Variants in FIG4 observed in about 807,000 individuals in gnomAD.
FIG4 encodes polyphosphoinositide phosphatase.
Under a neutral mutation model 118.6 loss-of-function variants are expected in FIG4, and 112 were observed. The observed-to-expected ratio is 0.94, with a 90% CI of 0.81 to 1.11. FIG4 has a LOEUF of 1.11. Among genes scored for constraint, FIG4 ranks in the 50% least tolerant of loss-of-function variants. The pLI is 0.00. For synonymous variants in FIG4, 369 were observed against 381.2 expected (o/e 0.97, Z 0.37); for missense variants, 969 against 1,111.7 (o/e 0.87, Z 1.83).
intron 19 of FIG4, among the ~76,000 whole-genome samples, chr6:109,790,508 G>GT (rs1778107610): frequency 6.6e-6 from 1 of 152,214 alleles, no homozygotes; most frequent in Non-Finnish European, 1.5e-5. Context: ...CTATATTAGT[G>GT]TGTGTCACAG....
intron 10 of FIG4, among the ~76,000 whole-genome samples, chr6:109,760,003 A>G (rs1777052373): frequency 6.6e-6 from 1 of 152,210 alleles, no homozygotes; most frequent in South Asian, 2.1e-4. Flanking sequence ...CTCAGGGTGC[A>G]GGGAGAGTAC....
rs779200387 is a variant in FIG4 at position 109,743,780 on chromosome 6, G to T, written c.1137+8G>T. The T allele has an allele frequency of 1.1e-5, 17 of 1,591,314 alleles. No individual in the cohort carries two copies. Among genetic ancestry groups the T allele is most frequent in the Non-Finnish European group, 1.5e-5 (17 of 1,159,884 alleles). On this transcript the variant is annotated splice_region_variant and intron_variant, in intron 10 of 22. Transcript: ENST00000230124. ...ATCTTGAATTTAGTGAAGGTATGATGTGCTCATCTGTTTGGTTATGAGATT... is the reference window on the plus strand; with the variant it reads ...ATCTTGAATTTAGTGAAGGTATGATTTGCTCATCTGTTTGGTTATGAGATT...
At chr6:109,746,745 A>G (rs907574797) in intron 10 of FIG4, among the ~76,000 whole-genome samples, 1 of 152,158 alleles carries the variant, frequency 6.6e-6, no homozygotes, top group Non-Finnish European at 1.5e-5. Flanking sequence ...TGAAAAGATT[A>G]CTGTGACCTC....
At chr6:109,720,747 C>T (rs763187821) in intron 3 of FIG4, among the ~76,000 whole-genome samples, 18 of 152,186 alleles carry the variant, frequency 1.2e-4, no homozygotes, top group Admixed American at 1.3e-4. Flanking sequence ...GTTCTGAAAG[C>T]TCATGGACCA....
chr6:109,807,169 C>G (rs993234370), intron 22 of FIG4, among the ~76,000 whole-genome samples: 1 of 152,182 alleles, frequency 6.6e-6, no homozygotes, highest in Non-Finnish European at 1.5e-5. Flanking sequence ...GTTCTAGATT[C>G]TTGAGGAATC....
chr6:109,803,781 A>T (rs1465985998), intron 22 of FIG4, among the ~76,000 whole-genome samples: 1 of 50,210 alleles, frequency 2.0e-5, no homozygotes, highest in Admixed American at 2.7e-4. Context: ...CCCCCACCCC[A>T]CAACAGTCCC....
intron 10 of FIG4, among the ~76,000 whole-genome samples, chr6:109,759,547 C>G (rs921068914): frequency 1.3e-5 from 2 of 152,100 alleles, no homozygotes; most frequent in African/African-American, 4.8e-5. Context: ...GAGAACATTG[C>G]CCAAGGTCAC....
At chr6:109,814,953 T>C (rs1778819927) in intron 22 of FIG4, among the ~76,000 whole-genome samples, 1 of 152,166 alleles carries the variant, frequency 6.6e-6, no homozygotes, top group Admixed American at 6.6e-5. Context: ...AATTTATGTG[T>C]ACATGTACAT....
At chr6:109,749,055 C>CTGTGTGTGTGTG (rs113357544) in intron 10 of FIG4, among the ~76,000 whole-genome samples, 1,971 of 132,418 alleles carry the variant, frequency 0.015, 16 homozygotes, top group East Asian at 0.026. Flanking sequence ...CAAAGGAGCT[C>CTGTGTGTGTGTG]TGTGTGTGTG....
chr6:109,817,570 A>T lies in FIG4; in HGVS notation c.2547-7518A>T, dbSNP rs879480513. On this transcript the variant is annotated intron_variant, in intron 22 of 22. Transcript: ENST00000230124. Reference sequence around the variant, plus strand: ...TTTTACAGCTCTCAGAGAGTGTGTAAAAAAAAAAAAAAAGAGTATAATTCT... The same window carrying T: ...TTTTACAGCTCTCAGAGAGTGTGTATAAAAAAAAAAAAAGAGTATAATTCT... Among the ~76,000 whole-genome samples the T allele has an allele frequency of 8.0e-3, 545 of 67,956 alleles. 6 individuals are homozygous for T. The highest frequency in any genetic ancestry group is 8.6e-3 in the Non-Finnish European group (198 of 23,144). 44.6% of individuals were successfully genotyped at this position (67,956 alleles called of 152,430 possible). A position where few individuals can be genotyped will look rare whatever the true frequency, so the allele number is the denominator to read the frequency against.
intron 1 of FIG4, among the ~76,000 whole-genome samples, chr6:109,714,808 T>G (rs1775377127): frequency 6.6e-6 from 1 of 152,192 alleles, no homozygotes; most frequent in Non-Finnish European, 1.5e-5. Context: ...TCTCTAAATT[T>G]ATGACAATTA....
At chr6:109,705,800 T>G (rs1432162333) in intron 1 of FIG4, among the ~76,000 whole-genome samples, 1 of 152,224 alleles carries the variant, frequency 6.6e-6, no homozygotes, top group South Asian at 2.1e-4. Flanking sequence ...AGTTTACCTA[T>G]GTAGCAAACC....
intron 22 of FIG4, among the ~76,000 whole-genome samples, chr6:109,809,901 T>C (rs1778673280): frequency 6.6e-6 from 1 of 152,178 alleles, no homozygotes. Flanking sequence ...GGGCTTCGTG[T>C]GATCATGAAG....
intron 3 of FIG4, among the ~76,000 whole-genome samples, chr6:109,722,722 G>T (rs1775648276): frequency 7.3e-6 from 1 of 137,192 alleles, no homozygotes; most frequent in Non-Finnish European, 1.6e-5. Flanking sequence ...CCCTGTGAGT[G>T]AGTGAGCTGG....
intron 10 of FIG4, among the ~76,000 whole-genome samples, chr6:109,758,550 A>G (rs1776996180): frequency 6.6e-6 from 1 of 152,252 alleles, no homozygotes; most frequent in African/African-American, 2.4e-5. Flanking sequence ...AGGCATAGGC[A>G]AAGACTTCAT....
At position 109,763,947 on chromosome 6, in the gene FIG4, C is replaced by G; in HGVS notation, c.1399C>G (p.Leu467Val). The G allele has an allele frequency of 6.2e-7, 1 of 1,608,968 alleles. No individual in the cohort carries two copies. Reference protein sequence around the residue: ...ILRPDEKWNELGGCVIPTGRL... With the variant: ...ILRPDEKWNEVGGCVIPTGRL... Reference sequence around the variant, plus strand: ...TATTTTTAAACACAGGTGGAATGAACTAGGAGGATGTGTGATTCCCACTGG... The same window carrying G: ...TATTTTTAAACACAGGTGGAATGAAGTAGGAGGATGTGTGATTCCCACTGG... The change falls in exon 13 of 23, where the codon CTA (leucine) becomes GTA (valine). Residue 467 changes from leucine (L) to valine (V), a missense_variant. Physicochemically the swap from Leu to Val is conservative, Grantham distance 32 (BLOSUM62 1). Coordinates refer to ENST00000230124, the MANE Select transcript of FIG4 (RefSeq NM_014845.6).
At chr6:109,713,848 A>C (rs1321684602) in intron 1 of FIG4, among the ~76,000 whole-genome samples, 1 of 152,104 alleles carries the variant, frequency 6.6e-6, no homozygotes, top group East Asian at 1.9e-4. Context: ...CCCCCAGGAC[A>C]CCTAAGGCTT....
intron 22 of FIG4, among the ~76,000 whole-genome samples, chr6:109,823,137 C>A (rs1376592644): frequency 6.6e-6 from 1 of 152,024 alleles, no homozygotes; most frequent in Non-Finnish European, 1.5e-5. Flanking sequence ...AAATCCTCAA[C>A]CTTTGCCAGA....
intron 10 of FIG4, among the ~76,000 whole-genome samples, chr6:109,746,502 C>T (rs1390984150): frequency 2.0e-5 from 3 of 152,032 alleles, no homozygotes; most frequent in African/African-American, 7.2e-5. Context: ...TACAAAGGCC[C>T]TAGGACAGGA....
Sources: gnomAD v4.1 joint callset for allele counts (sites outside exome capture counted in the v4.1 genomes callset) on GRCh38, gnomAD v4.1.1 for gene constraint, MANE v1.5 for transcripts, NCBI Gene and HGNC (gene_info 2026-07-23, HGNC 2026-07-21) for gene names.